The following UVRAG variants were observed in gnomAD, a reference collection of about 807,000 sequenced individuals.
UVRAG encodes the protein UV radiation resistance-associated gene protein.
UVRAG carries 19 observed loss-of-function variants against 78.0 expected under a neutral mutation model. That is an observed-to-expected ratio of 0.24 (90% CI 0.17 to 0.36). UVRAG has a LOEUF of 0.36. Ranked by LOEUF, UVRAG falls within the 10% of genes least tolerant of loss-of-function variation. The probability of loss-of-function intolerance (pLI) is 1.00; values close to 1 mark genes in which losing one functional copy is unlikely to be tolerated. For missense variants in UVRAG, 740 were observed against 853.8 expected (o/e 0.87, Z 1.66); for synonymous variants, 323 against 324.6 (o/e 1.00, Z 0.05).
chr11:75,932,552 G>A (rs2135110344), intron 6 of UVRAG, among the ~76,000 whole-genome samples: 1 of 152,230 alleles, frequency 6.6e-6, no homozygotes, highest in East Asian at 1.9e-4. Context: ...CCAAAGTGCT[G>A]GGATTACAGG....
At position 76,111,646 on chromosome 11, in the gene UVRAG, A is replaced by T. The variant is rs948574389; in HGVS notation, c.1306-4278A>T. Reference sequence around the variant, plus strand: ...TTATTCCCCAAATAAGATCCAGATTATGCCTCAAGACAGAGGATTCTTTCT... The same window carrying T: ...TTATTCCCCAAATAAGATCCAGATTTTGCCTCAAGACAGAGGATTCTTTCT... On this transcript the variant is annotated intron_variant, in intron 13 of 14. Transcript: ENST00000356136. Among the ~76,000 whole-genome samples the T allele has an allele frequency of 2.0e-5, 3 of 152,196 alleles. No homozygotes were observed. The South Asian group carries it at 6.2e-4, about 31-fold the overall frequency.
At chr11:76,099,632 C>A (rs1231569405) in intron 13 of UVRAG, among the ~76,000 whole-genome samples, 4 of 152,068 alleles carry the variant, frequency 2.6e-5, no homozygotes, top group Admixed American at 2.0e-4. Flanking sequence ...TTACTAATAT[C>A]TTCTTTTACA....
intron 13 of UVRAG, among the ~76,000 whole-genome samples, chr11:76,099,030 C>T (rs1248112027): frequency 6.6e-6 from 1 of 152,158 alleles, no homozygotes; most frequent in Non-Finnish European, 1.5e-5. Context: ...TCACTGGCCT[C>T]CTTTCCCAGT....
chr11:75,839,701 C>T (rs556449006), intron 1 of UVRAG, among the ~76,000 whole-genome samples: 1 of 151,490 alleles, frequency 6.6e-6, no homozygotes, highest in East Asian at 1.9e-4. Context: ...TACTTTAAAC[C>T]ATTTTTATTG....
chr11:75,964,587 A>C (rs1196208202), intron 7 of UVRAG, among the ~76,000 whole-genome samples: 1 of 152,128 alleles, frequency 6.6e-6, no homozygotes, highest in East Asian at 1.9e-4. Context: ...ATCCTATTGG[A>C]TATGCATGCA....
chr11:75,947,912 C>T (rs957359115), intron 6 of UVRAG, among the ~76,000 whole-genome samples: 3 of 152,040 alleles, frequency 2.0e-5, no homozygotes, highest in African/African-American at 7.3e-5. Context: ...ATTCATTCAC[C>T]AACGAATTAT....
intron 13 of UVRAG, among the ~76,000 whole-genome samples, chr11:76,106,289 A>G (rs1168841389): frequency 6.6e-6 from 1 of 152,212 alleles, no homozygotes; most frequent in African/African-American, 2.4e-5. Flanking sequence ...TCTCTGTTCT[A>G]TTAGACTGTA....
Position 76,129,868 on chromosome 11 carries a change from G to GTC in UVRAG, c.1398-10823_1398-10822dup, listed in dbSNP as rs147417062. Among the ~76,000 whole-genome samples, 154 of 148,408 alleles carry GTC rather than the reference G, an allele frequency of 1.0e-3. 1 individual carries two copies. The highest frequency in any genetic ancestry group is 7.0e-3 in the Middle Eastern group (2 of 284). ...AGAGTGCACTTTCCAAAGTATAAAT[G>GTC]TCTCTCTCTCTCTCTCTCTCTGCAC... On this transcript the variant is annotated intron_variant, in intron 14 of 14. Coordinates refer to ENST00000356136, the MANE Select transcript of UVRAG (RefSeq NM_003369.4).
chr11:75,907,319 A>G (rs1947636591), intron 5 of UVRAG, among the ~76,000 whole-genome samples: 1 of 151,740 alleles, frequency 6.6e-6, no homozygotes. Context: ...GTCTTTCACC[A>G]TTGAGTATGG....
At chr11:76,082,622 A>G (rs1951518755) in intron 13 of UVRAG, among the ~76,000 whole-genome samples, 1 of 152,166 alleles carries the variant, frequency 6.6e-6, no homozygotes. Context: ...ATCTCTTGAA[A>G]AATAATTGCC....
intron 13 of UVRAG, among the ~76,000 whole-genome samples, chr11:76,076,680 G>A (rs192368267): frequency 6.6e-6 from 1 of 151,938 alleles, no homozygotes; most frequent in African/African-American, 2.4e-5. Flanking sequence ...GTTTTGACTT[G>A]AATTTTTTCT....
chr11:76,076,588 C>T (rs888457214), intron 13 of UVRAG, among the ~76,000 whole-genome samples: 15 of 152,094 alleles, frequency 9.9e-5, no homozygotes, highest in Admixed American at 3.3e-4. Flanking sequence ...CACAGCCAAA[C>T]GGTATCAGGT....
At chr11:75,927,138 C>T (rs985640067) in intron 6 of UVRAG, among the ~76,000 whole-genome samples, 2 of 150,714 alleles carry the variant, frequency 1.3e-5, no homozygotes, top group Non-Finnish European at 1.5e-5. Flanking sequence ...GGCGCAATCT[C>T]GGGTCACTGC....
At chr11:75,825,563 C>T (rs1401452217) in intron 1 of UVRAG, among the ~76,000 whole-genome samples, 1 of 152,122 alleles carries the variant, frequency 6.6e-6, no homozygotes, top group Non-Finnish European at 1.5e-5. Flanking sequence ...GATTTAGTAT[C>T]ACATAACCTT....
At chr11:76,045,113 G>A (rs913247028) in intron 12 of UVRAG, among the ~76,000 whole-genome samples, 12 of 152,170 alleles carry the variant, frequency 7.9e-5, no homozygotes, top group Admixed American at 6.5e-4. Context: ...CACTTCACCA[G>A]CAGAAAACCT....
At chr11:75,955,748 A>T (rs1948783887) in intron 6 of UVRAG, among the ~76,000 whole-genome samples, 1 of 152,116 alleles carries the variant, frequency 6.6e-6, no homozygotes, top group Non-Finnish European at 1.5e-5. Context: ...AATTAGTCGG[A>T]CCCAGTTGCA....
chr11:76,003,375 G>A (rs568180642), intron 8 of UVRAG, among the ~76,000 whole-genome samples: 11 of 132,528 alleles, frequency 8.3e-5, no homozygotes, highest in Admixed American at 3.7e-4. Flanking sequence ...AGGTTCAAGC[G>A]ATTTCCAGCT....
chr11:75,852,726 A>G (rs1051398894), intron 2 of UVRAG, among the ~76,000 whole-genome samples: 30 of 152,142 alleles, frequency 2.0e-4, no homozygotes, highest in African/African-American at 7.0e-4. Flanking sequence ...CCCCATTTGT[A>G]AAGTAGAGAT....
At chr11:76,090,515 G>A (rs1951678201) in intron 13 of UVRAG, among the ~76,000 whole-genome samples, 1 of 152,106 alleles carries the variant, frequency 6.6e-6, no homozygotes, top group Non-Finnish European at 1.5e-5. Flanking sequence ...CTACCTGCAG[G>A]CTGCAACCCT....
Sources: gnomAD v4.1 joint callset for allele counts (sites outside exome capture counted in the v4.1 genomes callset) on GRCh38, gnomAD v4.1.1 for gene constraint, MANE v1.5 for transcripts, NCBI Gene and HGNC (gene_info 2026-07-23, HGNC 2026-07-21) for gene names.